Variants in VPS13A observed in about 807,000 individuals in gnomAD.
VPS13A encodes vacuolar protein sorting 13 homolog A.
Under a neutral mutation model 390.9 loss-of-function variants are expected in VPS13A, and 264 were observed. The ratio of observed to expected loss-of-function variants is 0.68; its 90% CI spans 0.61 to 0.75. The LOEUF (loss-of-function observed/expected upper bound fraction) is 0.75, where lower values mean the gene tolerates loss of function less well. VPS13A is among the 30% of genes least tolerant of loss of function. VPS13A has a pLI of 0.00. For synonymous variants in VPS13A, 1,231 were observed against 1,227.1 expected (o/e 1.00, Z -0.07); for missense variants, 3,409 against 3,733.9 (o/e 0.91, Z 2.27).
chr9:77,178,122 C>T (rs1177683817), intron 1 of VPS13A: 6 of 341,846 alleles, frequency 1.8e-5, no homozygotes, highest in Non-Finnish European at 3.4e-5. Context: ...CGTTCTCTAC[C>T]CCTGGCCCCG....
At chr9:77,266,831 C>T in intron 23 of VPS13A, among the ~76,000 whole-genome samples, 1 of 152,058 alleles carries the variant, frequency 6.6e-6, no homozygotes, top group East Asian at 1.9e-4. Context: ...TGCACATAGT[C>T]CCATATTTCT....
At chr9:77,214,047 G>A (rs1328720369) in intron 9 of VPS13A, among the ~76,000 whole-genome samples, 1 of 151,886 alleles carries the variant, frequency 6.6e-6, no homozygotes, top group African/African-American at 2.4e-5. Context: ...AGGCCGAGGC[G>A]GGTGGATCAC....
chr9:77,322,233 T>A (rs980226526), intron 44 of VPS13A, among the ~76,000 whole-genome samples: 3 of 151,626 alleles, frequency 2.0e-5, no homozygotes, highest in South Asian at 2.1e-4. Flanking sequence ...GAGATGAAGG[T>A]TTTTTCCTTT....
chr9:77,261,499 T>C (rs1825759819), intron 23 of VPS13A, among the ~76,000 whole-genome samples: 1 of 152,048 alleles, frequency 6.6e-6, no homozygotes. Context: ...GCTTATACTT[T>C]TATTCATAGG....
At chr9:77,390,139 T>C (rs1187536236) in intron 68 of VPS13A, 1 of 984,982 alleles carries the variant, frequency 1.0e-6, no homozygotes, top group Non-Finnish European at 1.2e-6. Flanking sequence ...ATCTGAAAAT[T>C]TGAGTAAGTG....
intron 29 of VPS13A, 96 bp from the exon 30 acceptor site, chr9:77,283,259 A>T: frequency 1.4e-6 from 1 of 728,996 alleles, no homozygotes; most frequent in Non-Finnish European, 2.4e-6. Flanking sequence ...CTCTGATATC[A>T]CTATTTGTGG....
intron 68 of VPS13A, among the ~76,000 whole-genome samples, chr9:77,392,961 CATTG>C (rs367729421): frequency 2.6e-5 from 4 of 152,090 alleles, no homozygotes; most frequent in Admixed American, 6.6e-5. Flanking sequence ...AAGTTTCCCA[CATTG>C]ATTGACTCTT....
intron 71 of VPS13A, among the ~76,000 whole-genome samples, chr9:77,413,460 T>A (rs974390917): frequency 6.6e-6 from 1 of 152,162 alleles, no homozygotes; most frequent in East Asian, 1.9e-4. Flanking sequence ...ATCTGATCTT[T>A]GACAAACCTG....
chr9:77,339,182 A>G (rs138084656), intron 47 of VPS13A: 1 of 262,578 alleles, frequency 3.8e-6, no homozygotes, highest in African/African-American at 2.3e-5. Context: ...AGTGGTTAAG[A>G]TTGTCTTTTT....
At chr9:77,261,370 C>A (rs1327082628) in intron 23 of VPS13A, among the ~76,000 whole-genome samples, 1 of 151,870 alleles carries the variant, frequency 6.6e-6, no homozygotes, top group Non-Finnish European at 1.5e-5. Context: ...CATATACCAT[C>A]TTTTGCTTAA....
At position 77,205,335 on chromosome 9, in the gene VPS13A, A is replaced by G. The variant is rs1335505417; in HGVS notation, c.210A>G (p.Pro70=). 1 of 1,525,026 alleles carries G rather than the reference A, an allele frequency of 6.6e-7. No homozygotes were observed. The highest frequency in any genetic ancestry group is 8.8e-7 in the Non-Finnish European group (1 of 1,131,150). The allele number at this position is 1,525,026 out of a possible 1,614,324, so 94.5% of individuals were successfully genotyped here. The change falls in exon 4 of 72, where the codon CCA becomes CCG. Residue 70 remains proline (P), a synonymous_variant. Transcript: ENST00000360280. ...GHIGNLKLII[P]WKNLYTQPVE... is the part of the protein sequence containing the mutation. ...TAGGTAATCTTAAACTTATAATTCC[A>G]TGGAAAAACCTTTATACTCAACCTG...
intron 32 of VPS13A, among the ~76,000 whole-genome samples, chr9:77,295,120 GT>G (rs991547014): frequency 3.3e-5 from 5 of 150,632 alleles, no homozygotes; most frequent in East Asian, 1.9e-4. Flanking sequence ...TGTCATTGAA[GT>G]TTTTTTTTGG....
chr9:77,273,452 A>T, intron 24 of VPS13A, 88 bp downstream of exon 24: 2 of 1,054,252 alleles, frequency 1.9e-6, no homozygotes, highest in East Asian at 5.3e-5. Flanking sequence ...GACCACACAG[A>T]GGAAGGAAAA....
intron 60 of VPS13A, among the ~76,000 whole-genome samples, chr9:77,366,191 A>G (rs1015024314): frequency 1.3e-5 from 2 of 152,114 alleles, no homozygotes; most frequent in African/African-American, 4.8e-5. Flanking sequence ...CCTACTGAAC[A>G]TTAAAGCTTA....
At chr9:77,304,005 G>A (rs1158509338) in intron 34 of VPS13A, among the ~76,000 whole-genome samples, 2 of 152,070 alleles carry the variant, frequency 1.3e-5, no homozygotes, top group African/African-American at 2.4e-5. Flanking sequence ...GACCCTTTAC[G>A]AGTGTCGGAC....
chr9:77,248,750 G>GTTTTT (rs1370671977), intron 20 of VPS13A, among the ~76,000 whole-genome samples: 1 of 151,856 alleles, frequency 6.6e-6, no homozygotes, highest in African/African-American at 2.4e-5. Flanking sequence ...TTTTGTTTTT[G>GTTTTT]AGACATAGTC....
At chr9:77,366,701 A>G in intron 60 of VPS13A, 26 bp from the exon 61 acceptor site, 2 of 1,573,454 alleles carry the variant, frequency 1.3e-6, no homozygotes, top group Non-Finnish European at 1.7e-6. Flanking sequence ...AAATACTTTT[A>G]AATATTTATC....
chr9:77,210,160 C>CCTCTCTCTCT (rs150244384), intron 6 of VPS13A, among the ~76,000 whole-genome samples: 23 of 107,512 alleles, frequency 2.1e-4, no homozygotes, highest in African/African-American at 3.9e-4. Flanking sequence ...CCCCCACCTC[C>CCTCTCTCTCT]CTCTCTCTCT....
intron 10 of VPS13A, among the ~76,000 whole-genome samples, chr9:77,215,169 T>A (rs1822787826): frequency 6.6e-6 from 1 of 152,292 alleles, no homozygotes; most frequent in East Asian, 1.9e-4. Flanking sequence ...AAGTGCTGTT[T>A]TTTCTATGAT....
Sources: allele counts gnomAD v4.1 joint callset (sites outside exome capture counted in the v4.1 genomes callset), GRCh38; gene constraint gnomAD v4.1.1; transcripts MANE v1.5; gene names NCBI Gene and HGNC (gene_info 2026-07-23, HGNC 2026-07-21).